Variants in CARF observed in about 807,000 individuals in gnomAD.
CARF encodes calcium responsive transcription factor, also known as calcium-responsive transcription factor.
In CARF, 57 loss-of-function variants were observed where a neutral mutation model predicts 82.0. The observed-to-expected ratio is 0.70, with a 90% CI of 0.56 to 0.87. CARF has a LOEUF of 0.87. Ranked by LOEUF, CARF falls within the 40% of genes least tolerant of loss-of-function variation. CARF has a pLI of 0.00. For synonymous variants in CARF, 268 were observed against 290.1 expected (o/e 0.92, Z 0.77); for missense variants, 771 against 855.8 (o/e 0.90, Z 1.24).
At chr2:202,973,588 G>A in intron 12 of CARF, 1 of 328,594 alleles carries the variant, frequency 3.0e-6, no homozygotes, top group Non-Finnish European at 5.9e-6. Context: ...TTACTAGGTA[G>A]GTGTATGATT....
intron 10 of CARF, among the ~76,000 whole-genome samples, 162 bp downstream of exon 10, chr2:202,967,260 A>G (rs1387492433): frequency 6.6e-6 from 1 of 152,160 alleles, no homozygotes; most frequent in Non-Finnish European, 1.5e-5. Flanking sequence ...AACTCTTACT[A>G]GTTTTTTGAG....
intron 10 of CARF, among the ~76,000 whole-genome samples, chr2:202,968,363 C>CT (rs920631651): frequency 6.6e-6 from 1 of 152,150 alleles, no homozygotes; most frequent in African/African-American, 2.4e-5. Context: ...GACTGCGCCA[C>CT]TGCACTCCAG....
At chr2:202,915,349 G>A (rs1170880346) in intron 1 of CARF, among the ~76,000 whole-genome samples, 1 of 152,084 alleles carries the variant, frequency 6.6e-6, no homozygotes, top group East Asian at 1.9e-4. Context: ...AGGCTGGAAT[G>A]CAGTGGCATG....
chr2:202,942,001 C>G lies in CARF; in HGVS notation c.78+21C>G, dbSNP rs75869289. 3 of 1,594,720 alleles carry G rather than the reference C, an allele frequency of 1.9e-6. No homozygotes were observed. In the Admixed American group the frequency reaches 5.0e-5, roughly 27 times the overall value. On this transcript the variant is annotated intron_variant, in intron 4 of 16. Coordinates refer to ENST00000438828, the MANE Select transcript of CARF (RefSeq NM_024744.17). ...TTGAGGTATGGATTCAGCTGGGAAC[C>G]TTTTTCCATCCTAGGGTAAAACAGC...
At chr2:202,969,725 A>G (rs2105909081) in intron 10 of CARF, among the ~76,000 whole-genome samples, 194 bp from the exon 11 acceptor site, 1 of 152,264 alleles carries the variant, frequency 6.6e-6, no homozygotes, top group East Asian at 1.9e-4. Context: ...TTTTTAAATA[A>G]TGTTTACTTT....
rs954810902 is a variant in CARF at position 202,975,450 on chromosome 2, GA to G, written c.1494+963del. The stretch of plus-strand genomic sequence containing the variant: ...CAGAGCGAGACTCCGTCTAAAAAAA[GA>G]AAAAAAAATTAGCTGGGTGTGGTGG... On this transcript the variant is annotated intron_variant, in intron 13 of 16. Coordinates refer to ENST00000438828, the MANE Select transcript of CARF (RefSeq NM_024744.17). 5.8e-3 allele frequency among the ~76,000 whole-genome samples: 862 copies of G among 148,142 alleles called. 11 individuals are homozygous for G. Among genetic ancestry groups the G allele is most frequent in the African/African-American group, 0.02 (803 of 40,308 alleles).
At chr2:202,940,485 A>T (rs2058176852) in intron 3 of CARF, among the ~76,000 whole-genome samples, 1 of 152,082 alleles carries the variant, frequency 6.6e-6, no homozygotes, top group Non-Finnish European at 1.5e-5. Flanking sequence ...ACTCAATCTC[A>T]TGGTGGCTAA....
chr2:202,980,638 A>ATATATATATATATATATATATG (rs2060218585), intron 14 of CARF, among the ~76,000 whole-genome samples: 1 of 82,102 alleles, frequency 1.2e-5, no homozygotes, highest in African/African-American at 3.8e-5. Flanking sequence ...ATATATATAT[A>ATATATATATATATATATATATG]TATATATATA....
At chr2:202,976,382 C>T (rs2060029525) in intron 13 of CARF, among the ~76,000 whole-genome samples, 1 of 152,036 alleles carries the variant, frequency 6.6e-6, no homozygotes, top group African/African-American at 2.4e-5. Flanking sequence ...CCATGTTGGC[C>T]AGGCTGGTCT....
At chr2:202,968,052 G>A (rs2059624456) in intron 10 of CARF, among the ~76,000 whole-genome samples, 1 of 152,162 alleles carries the variant, frequency 6.6e-6, no homozygotes, top group Non-Finnish European at 1.5e-5. Context: ...AATATGTAGT[G>A]GTTGGACTTA....
rs2060379055 is a variant in CARF at position 202,984,743 on chromosome 2, A to G, written c.*1119A>G. 6.6e-6 allele frequency: 1 copy of G among 152,160 alleles called. No homozygotes were observed. The highest frequency in any genetic ancestry group is 2.1e-4 in the South Asian group (1 of 4,832). 9.4% of individuals were successfully genotyped at this position (152,160 alleles called of 1,614,324 possible). ...ATTACTACTAAGCAGTATATTGATT[A>G]TAAGCATCTGTTGTCTAAAGATTGG... On this transcript the variant is annotated 3_prime_UTR_variant, in exon 17 of 17. Coordinates refer to ENST00000438828, the MANE Select transcript of CARF (RefSeq NM_024744.17).
intron 3 of CARF, among the ~76,000 whole-genome samples, chr2:202,935,076 C>CA (rs1036393841): frequency 8.6e-4 from 81 of 93,986 alleles, no homozygotes; most frequent in Non-Finnish European, 1.6e-3. Flanking sequence ...GACCTTGTCT[C>CA]AAAAAAAAAA....
intron 9 of CARF, among the ~76,000 whole-genome samples, chr2:202,966,654 G>C (rs1335147860): frequency 6.6e-6 from 1 of 151,918 alleles, no homozygotes; most frequent in Non-Finnish European, 1.5e-5. Flanking sequence ...AGGTTGCAGT[G>C]AGCCAAGATT....
intron 1 of CARF, among the ~76,000 whole-genome samples, chr2:202,915,245 G>A (rs1689412058): frequency 6.6e-6 from 1 of 151,928 alleles, no homozygotes; most frequent in African/African-American, 2.4e-5. Flanking sequence ...TCGATCCCCT[G>A]ACCTTGTGAT....
At chr2:202,952,924 C>A (rs2058823537) in intron 6 of CARF, among the ~76,000 whole-genome samples, 1 of 152,036 alleles carries the variant, frequency 6.6e-6, no homozygotes. Context: ...CCCAAATGAC[C>A]AATGAGCATA....
At chr2:202,917,252 T>G (rs1216444379) in intron 1 of CARF, among the ~76,000 whole-genome samples, 1 of 141,670 alleles carries the variant, frequency 7.1e-6, no homozygotes, top group Non-Finnish European at 1.5e-5. Flanking sequence ...GAGCTGCTAA[T>G]TTTACAGATG....
In CARF at chr2:202,917,102, T is replaced by C. The variant is rs1393811533; in HGVS notation, c.-329-775T>C. ...GGCGGGCGCCTGTAGTCCCAGCTAC[T>C]TGGGAGGCTGAGGCAGGAGAATGGC... On this transcript the variant is annotated intron_variant, in intron 1 of 16. Coordinates refer to ENST00000438828, the MANE Select transcript of CARF (RefSeq NM_024744.17). Among the ~76,000 whole-genome samples, 4 of 146,604 alleles carry C rather than the reference T, an allele frequency of 2.7e-5. No individual in the cohort carries two copies. The South Asian group carries it at 6.4e-4, about 24-fold the overall frequency.
chr2:202,952,034 T>C (rs1268674764), intron 5 of CARF, among the ~76,000 whole-genome samples: 4 of 152,132 alleles, frequency 2.6e-5, no homozygotes, highest in African/African-American at 4.8e-5. Flanking sequence ...GGTTTCACCA[T>C]GTTGATCAGG....
chr2:202,930,806 T>C (rs552989165), intron 3 of CARF, among the ~76,000 whole-genome samples: 2 of 152,104 alleles, frequency 1.3e-5, no homozygotes, highest in Non-Finnish European at 2.9e-5. Context: ...TTCTTTAGCC[T>C]CTACCATCCC....
Sources: gnomAD v4.1 joint callset for allele counts (sites outside exome capture counted in the v4.1 genomes callset) on GRCh38, gnomAD v4.1.1 for gene constraint, MANE v1.5 for transcripts, NCBI Gene and HGNC (gene_info 2026-07-23, HGNC 2026-07-21) for gene names.